The following CSMD3 variants were observed in gnomAD, a reference collection of about 807,000 sequenced individuals.
CSMD3 encodes the protein CUB and sushi domain-containing protein 3.
A neutral mutation model predicts 435.2 loss-of-function variants in CSMD3; 177 were observed. That is an observed-to-expected ratio of 0.41 (90% CI 0.36 to 0.46). The LOEUF (loss-of-function observed/expected upper bound fraction) is 0.46. Ranked by LOEUF, CSMD3 falls within the 20% of genes least tolerant of loss-of-function variation. CSMD3 has a pLI of 0.34. For missense variants in CSMD3, 4,265 were observed against 4,504.6 expected (o/e 0.95, Z 1.52); for synonymous variants, 1,656 against 1,520.5 (o/e 1.09, Z -2.07).
At chr8:113,329,595 T>A (rs565192974) in intron 1 of CSMD3, among the ~76,000 whole-genome samples, 1 of 152,198 alleles carries the variant, frequency 6.6e-6, no homozygotes, top group Non-Finnish European at 1.5e-5. Context: ...GGGAAAAAAG[T>A]CGTCAAATAC....
At chr8:113,136,276 C>G (rs1403555954) in intron 4 of CSMD3, among the ~76,000 whole-genome samples, 2 of 151,434 alleles carry the variant, frequency 1.3e-5, no homozygotes, top group African/African-American at 2.4e-5. Context: ...AACCACTAGC[C>G]ATATGTGCCT....
intron 5 of CSMD3, among the ~76,000 whole-genome samples, chr8:113,048,667 G>A (rs967559541): frequency 4.3e-4 from 66 of 152,070 alleles, no homozygotes; most frequent in African/African-American, 1.4e-3. Flanking sequence ...ATGATTTTGC[G>A]TGTCAGGTAG....
Position 112,917,836 on chromosome 8 carries a change from T to C in CSMD3, c.1633+3791A>G, listed in dbSNP as rs1038878121. ...TTATCTCACTCTACATCCTTTCATA[T>C]AACTGACCAAACTGATTCCCCAGAT... On this transcript the variant is annotated intron_variant, in intron 10 of 70. Coordinates refer to ENST00000297405, the MANE Select transcript of CSMD3 (RefSeq NM_198123.2). 4.6e-5 allele frequency among the ~76,000 whole-genome samples: 7 copies of C among 151,998 alleles called. No individual in the cohort carries two copies. In the East Asian group the frequency reaches 1.2e-3, roughly 25 times the overall value.
At chr8:112,370,204 T>C (rs1284494290) in intron 38 of CSMD3, among the ~76,000 whole-genome samples, 1 of 152,144 alleles carries the variant, frequency 6.6e-6, no homozygotes, top group Non-Finnish European at 1.5e-5. Context: ...TTGTTTTGTT[T>C]TTCACTTTTC....
In CSMD3 at chr8:112,352,434, A is replaced by T. The variant is rs540722188; in HGVS notation, c.6237T>A (p.Asp2079Glu). 1.8e-4 allele frequency: 293 copies of T among 1,613,554 alleles called. 7 individuals carry two copies. The South Asian group carries it at 3.0e-3, about 16-fold the overall frequency. The change falls in exon 39 of 71, where the codon GAT (aspartate) becomes GAA (glutamate). Residue 2079 changes from aspartate to glutamate, a missense_variant. By Grantham distance (45) the Asp-to-Glu change is conservative. Transcript: ENST00000297405. Reference sequence around the variant, plus strand: ...GACTTACCTGAAGAGAATATCCTTGATCACACTGAAAGGATACTACATCTC... The same window carrying T: ...GACTTACCTGAAGAGAATATCCTTGTTCACACTGAAAGGATACTACATCTC... ...MVGDVVSFQCDQGYSLQGHSH... is the reference protein window; with the variant it reads ...MVGDVVSFQCEQGYSLQGHSH...
chr8:113,260,941 A>G (rs1437652913), intron 3 of CSMD3, among the ~76,000 whole-genome samples: 1 of 152,090 alleles, frequency 6.6e-6, no homozygotes, highest in Non-Finnish European at 1.5e-5. Flanking sequence ...TCCATGGTGT[A>G]TATGTGCCAC....
chr8:112,456,085 C>A (rs1162174785), intron 32 of CSMD3, among the ~76,000 whole-genome samples: 1 of 151,550 alleles, frequency 6.6e-6, no homozygotes, highest in Non-Finnish European at 1.5e-5. Flanking sequence ...ATAATTTCCT[C>A]AGTAAATGTA....
intron 29 of CSMD3, among the ~76,000 whole-genome samples, chr8:112,504,265 T>C (rs1419229151): frequency 1.3e-5 from 2 of 152,120 alleles, no homozygotes; most frequent in East Asian, 3.8e-4. Flanking sequence ...GTTTAGTTGA[T>C]GAAAAGATAC....
chr8:112,775,589 C>A (rs1042318656), intron 13 of CSMD3, among the ~76,000 whole-genome samples: 3 of 151,810 alleles, frequency 2.0e-5, no homozygotes, highest in African/African-American at 7.2e-5. Context: ...CACAGACTTT[C>A]TAGTTACAAG....
intron 13 of CSMD3, among the ~76,000 whole-genome samples, chr8:112,722,563 G>A (rs2076881647): frequency 1.3e-5 from 2 of 152,196 alleles, no homozygotes; most frequent in Non-Finnish European, 2.9e-5. Context: ...ACACGAGCCT[G>A]TGTGTGCGTT....
Position 113,038,313 on chromosome 8 carries a change from C to T in CSMD3, c.918-19134G>A, listed in dbSNP as rs59477248. On this transcript the variant is annotated intron_variant, in intron 5 of 70. Coordinates refer to ENST00000297405, the MANE Select transcript of CSMD3 (RefSeq NM_198123.2). ...TAAAAATCATCACAAAAAAATAAAT[C>T]GTGCTTATATTGAGGTATTTTTTTC... Among the ~76,000 whole-genome samples, 1,285 of 152,112 alleles carry T rather than the reference C, an allele frequency of 8.4e-3. 30 individuals are homozygous for T. Among genetic ancestry groups the T allele is most frequent in the African/African-American group, 0.029 (1,216 of 41,506 alleles).
chr8:113,397,348 T>C (rs2094488383), intron 1 of CSMD3, among the ~76,000 whole-genome samples: 2 of 152,176 alleles, frequency 1.3e-5, no homozygotes, highest in Admixed American at 1.3e-4. Flanking sequence ...ATTTTCCTAT[T>C]GAGCTGTTGG....
chr8:113,173,552 C>A (rs933364375), intron 4 of CSMD3, among the ~76,000 whole-genome samples, 170 bp downstream of exon 4: 2 of 152,056 alleles, frequency 1.3e-5, no homozygotes, highest in East Asian at 1.9e-4. Flanking sequence ...AAACTCCTGA[C>A]CTCAAGTGAT....
chr8:112,586,728 G>A (rs909339249), intron 23 of CSMD3, among the ~76,000 whole-genome samples: 8 of 150,722 alleles, frequency 5.3e-5, no homozygotes, highest in African/African-American at 1.5e-4. Flanking sequence ...ATTACATGAC[G>A]GTCATTTGAT....
rs763344970 is a variant in CSMD3 at position 112,263,802 on chromosome 8, G to A, written c.9699C>T (p.Cys3233=). The A allele has an allele frequency of 2.5e-6, 4 of 1,613,660 alleles. No homozygotes were observed. Among genetic ancestry groups the A allele is most frequent in the Non-Finnish European group, 3.4e-6 (4 of 1,179,658 alleles). Residue 3233 remains cysteine (C), a synonymous_variant, in exon 61 of 71, where the codon TGC becomes TGT. Coordinates refer to ENST00000297405, the MANE Select transcript of CSMD3 (RefSeq NM_198123.2). The stretch of plus-strand genomic sequence containing the variant: ...CATTAGAGATCTGGGGAGGAGTTGG[G>A]CAGGTAACAGCTGCAATTACATTAA... ...GVMPTCRAVT[C]PTPPQISNGR...
intron 3 of CSMD3, among the ~76,000 whole-genome samples, chr8:113,218,103 C>CATAT (rs3048832): frequency 0.046 from 6,783 of 146,802 alleles, 198 homozygotes; most frequent in Non-Finnish European, 0.057. Flanking sequence ...ATATGCTATT[C>CATAT]ATATATATAT....
intron 13 of CSMD3, among the ~76,000 whole-genome samples, chr8:112,713,312 G>A (rs1250270066): frequency 1.3e-5 from 2 of 151,898 alleles, no homozygotes; most frequent in East Asian, 3.9e-4. Context: ...GAATATTAGA[G>A]CGTGAAGACC....
chr8:113,269,116 C>T (rs2093497125), intron 3 of CSMD3, among the ~76,000 whole-genome samples: 1 of 151,968 alleles, frequency 6.6e-6, no homozygotes, highest in Non-Finnish European at 1.5e-5. Flanking sequence ...TTTTGAGTAG[C>T]TTTTTAAAAT....
intron 16 of CSMD3, among the ~76,000 whole-genome samples, chr8:112,668,274 T>C (rs1188159258): frequency 6.6e-6 from 1 of 152,146 alleles, no homozygotes; most frequent in Admixed American, 6.6e-5. Flanking sequence ...ATGTGCATAA[T>C]AGTCACTTAA....
Sources: allele counts gnomAD v4.1 joint callset (sites outside exome capture counted in the v4.1 genomes callset), GRCh38; gene constraint gnomAD v4.1.1; transcripts MANE v1.5; gene names NCBI Gene and HGNC (gene_info 2026-07-23, HGNC 2026-07-21).